GMEB2: variants seen among roughly 807,000 people sequenced by gnomAD.
The protein encoded by GMEB2 is glucocorticoid modulatory element binding protein 2, also known as glucocorticoid modulatory element-binding protein 2.
GMEB2 carries 7 observed loss-of-function variants against 45.7 expected under a neutral mutation model. The ratio of observed to expected loss-of-function variants is 0.15; its 90% CI spans 0.09 to 0.29. The LOEUF (loss-of-function observed/expected upper bound fraction) is 0.29. GMEB2 is among the 10% of genes least tolerant of loss of function. The pLI is 1.00. For synonymous variants in GMEB2, 322 were observed against 323.6 expected (o/e 1.00, Z 0.05); for missense variants, 582 against 739.2 (o/e 0.79, Z 2.47).
chr20:63,624,320 T>C (rs2089656490), intron 1 of GMEB2, among the ~76,000 whole-genome samples: 1 of 150,652 alleles, frequency 6.6e-6, no homozygotes, highest in Non-Finnish European at 1.5e-5. Flanking sequence ...TCCCACCTAC[T>C]TGGGAGGCTG....
At position 63,589,449 on chromosome 20, in the gene GMEB2, C is replaced by G. The variant is rs1270949470; in HGVS notation, c.*640G>C. 2.9e-6 allele frequency: 1 copy of G among 345,110 alleles called. No homozygotes were observed. Among genetic ancestry groups the G allele is most frequent in the Non-Finnish European group, 5.2e-6 (1 of 192,202 alleles). 21.4% of individuals were successfully genotyped at this position (345,110 alleles called of 1,614,324 possible). On this transcript the variant is annotated 3_prime_UTR_variant, in exon 10 of 10. Coordinates refer to ENST00000370077, the MANE Select transcript of GMEB2 (RefSeq NM_012384.5). ...ACGCCTCGTCTGTGCGGCCCCTGGG[C>G]CACCTGAGCACCGGCTGGGGGCGGG...
intron 1 of GMEB2, 52 bp downstream of exon 1, chr20:63,626,904 G>C (rs1354502529): frequency 6.8e-6 from 1 of 147,042 alleles, no homozygotes; most frequent in Non-Finnish European, 1.5e-5. Context: ...GCGCGTGAGC[G>C]GAGCGAGAGG....
In GMEB2 at chr20:63,589,318, T is replaced by G. The variant is rs2083122364; in HGVS notation, c.*771A>C. On this transcript the variant is annotated 3_prime_UTR_variant, in exon 10 of 10. Transcript: ENST00000370077. ...GAGCTAACTCGGGAAGCCTAGGCAC[T>G]CACCATTATTTTGGTTGAAAATGCT... The G allele has an allele frequency of 7.5e-6, 3 of 398,198 alleles. No homozygotes were observed. The highest frequency in any genetic ancestry group is 1.3e-5 in the Non-Finnish European group (3 of 226,070). The allele number at this position is 398,198 out of a possible 1,614,324, so 24.7% of individuals were successfully genotyped here.
At chr20:63,607,077 T>A (rs915194587) in intron 2 of GMEB2, among the ~76,000 whole-genome samples, 6 of 145,746 alleles carry the variant, frequency 4.1e-5, no homozygotes, top group Non-Finnish European at 7.5e-5. Context: ...CCCACCTCCA[T>A]TTCTAGAAAC....
At chr20:63,595,915 C>A in intron 5 of GMEB2, 148 bp from the exon 6 acceptor site, 2 of 665,618 alleles carry the variant, frequency 3.0e-6, no homozygotes, top group Non-Finnish European at 5.2e-6. Context: ...GCTCTACTTC[C>A]CTCTTAGCGC....
chr20:63,592,984 A>C lies in GMEB2; in HGVS notation c.691+27T>G, dbSNP rs767537146. ...CTCCACCACCCCGCCAGGGCTTGTG[A>C]GAAGCCCACAAGGAGGAACCTCGTA... On this transcript the variant is annotated intron_variant, in intron 7 of 9. Coordinates refer to ENST00000370077, the MANE Select transcript of GMEB2 (RefSeq NM_012384.5). This position sits in a 1 kb window ranked among gnomAD's most constrained non-coding sequence, Gnocchi z 8.2. 6.6e-7 allele frequency: 1 copy of C among 1,524,796 alleles called. No individual in the cohort carries two copies. The highest frequency in any genetic ancestry group is 9.0e-7 in the Non-Finnish European group (1 of 1,105,340). The allele number at this position is 1,524,796 out of a possible 1,614,324, so 94.5% of individuals were successfully genotyped here.
At position 63,592,820 on chromosome 20, in the gene GMEB2, C is replaced by T; in HGVS notation, c.692-150G>A. ...GTGCTGGGCTTGCACTGCCCAGACA[C>T]ATCCACAGTGCCAAAATCTAGCAGG... On this transcript the variant is annotated intron_variant, in intron 7 of 9. Coordinates refer to ENST00000370077, the MANE Select transcript of GMEB2 (RefSeq NM_012384.5). This position sits in a 1 kb window ranked among gnomAD's most constrained non-coding sequence, Gnocchi z 8.2. 1.3e-6 allele frequency: 1 copy of T among 789,520 alleles called. No individual in the cohort carries two copies. The allele number at this position is 789,520 out of a possible 1,614,324, so 48.9% of individuals were successfully genotyped here.
In GMEB2 at chr20:63,590,154, C is replaced by CG. The variant is rs2083131555; in HGVS notation, c.1527dup (p.Gly510ArgfsTer3). ...ATGGTGGCCGTGTGCTCCTCAGGCC[C>CG]GGGGGCAGCCCCTGCGGGCACTGTC... On this transcript the variant is annotated frameshift_variant, in exon 10 of 10. Transcript: ENST00000370077. LOFTEE classifies it high-confidence loss of function. 3 of 1,577,204 alleles carry CG rather than the reference C, an allele frequency of 1.9e-6. No individual in the cohort carries two copies. The highest frequency in any genetic ancestry group is 1.7e-6 in the Non-Finnish European group (2 of 1,159,386).
intron 1 of GMEB2, among the ~76,000 whole-genome samples, chr20:63,623,583 G>A (rs565168698): frequency 2.6e-5 from 4 of 151,856 alleles, no homozygotes; most frequent in East Asian, 1.9e-4. Context: ...TGGATCATAA[G>A]GTCAGAAGTT....
At chr20:63,611,510 G>GC (rs767476861) in intron 2 of GMEB2, among the ~76,000 whole-genome samples, 2 of 151,670 alleles carry the variant, frequency 1.3e-5, no homozygotes, top group Non-Finnish European at 2.9e-5. Context: ...TATTCAGGAG[G>GC]CTGAGGCAAG....
intron 2 of GMEB2, among the ~76,000 whole-genome samples, chr20:63,610,644 T>G (rs1169308819): frequency 6.6e-6 from 1 of 152,240 alleles, no homozygotes; most frequent in Non-Finnish European, 1.5e-5. Context: ...AAGACAGCCC[T>G]GCCTCAGCTG....
chr20:63,612,478 G>A (rs1204911454), intron 2 of GMEB2, among the ~76,000 whole-genome samples: 1 of 152,204 alleles, frequency 6.6e-6, no homozygotes, highest in Non-Finnish European at 1.5e-5. Flanking sequence ...GGGGTGAGCT[G>A]GGAAGGCCCA....
chr20:63,623,806 A>C (rs2089653722), intron 1 of GMEB2, among the ~76,000 whole-genome samples: 1 of 151,754 alleles, frequency 6.6e-6, no homozygotes, highest in Admixed American at 6.6e-5. Flanking sequence ...TTAAAAAAAA[A>C]AAGCCACTTT....
chr20:63,600,116 C>T (rs1329487590), intron 4 of GMEB2, among the ~76,000 whole-genome samples: 2 of 151,846 alleles, frequency 1.3e-5, no homozygotes, highest in Non-Finnish European at 2.9e-5. Flanking sequence ...ATCTTGGGCT[C>T]ACTGCAACCT....
In GMEB2 at chr20:63,592,726, C is replaced by G. The variant is rs563582181; in HGVS notation, c.692-56G>C. On this transcript the variant is annotated intron_variant, in intron 7 of 9. Transcript: ENST00000370077. The surrounding 1 kb of genome is among the most constrained non-coding windows in gnomAD (Gnocchi z 8.2). ...GGGAAAGTGCTGCTACACGGGGCAGCCACCACAGCCACAAGGACATCACCA... is the reference window on the plus strand; with the variant it reads ...GGGAAAGTGCTGCTACACGGGGCAGGCACCACAGCCACAAGGACATCACCA... The G allele has an allele frequency of 8.0e-4, 1,135 of 1,427,622 alleles. No individual in the cohort carries two copies. The highest frequency in any genetic ancestry group is 9.5e-4 in the Non-Finnish European group (961 of 1,016,426). 88.4% of individuals were successfully genotyped at this position (1,427,622 alleles called of 1,614,324 possible). A position where few individuals can be genotyped will look rare whatever the true frequency, so the allele number is the denominator to read the frequency against.
rs777564402 is a variant in GMEB2 at position 63,619,392 on chromosome 20, C to T, written c.6G>A (p.Ala2=). ...CCATGTGCACACTCACGTCGGGAGTCGCCATGGCTCAGCGGAAGGGGACGC... is the reference window on the plus strand; with the variant it reads ...CCATGTGCACACTCACGTCGGGAGTTGCCATGGCTCAGCGGAAGGGGACGC... M[A]TPDVSVHMEE... Residue 2 remains alanine, a synonymous_variant, in exon 2 of 10, where the codon GCG becomes GCA. Coordinates refer to ENST00000370077, the MANE Select transcript of GMEB2 (RefSeq NM_012384.5). The surrounding 1 kb of genome is among the most constrained non-coding windows in gnomAD (Gnocchi z 4.6). 1.1e-5 allele frequency: 17 copies of T among 1,610,638 alleles called. No individual in the cohort carries two copies. The highest frequency in any genetic ancestry group is 9.3e-5 in the African/African-American group (7 of 74,912).
chr20:63,602,437 C>T (rs1293471120), intron 4 of GMEB2, among the ~76,000 whole-genome samples: 3 of 152,242 alleles, frequency 2.0e-5, no homozygotes, highest in East Asian at 3.9e-4. Flanking sequence ...CAAGCTCAGG[C>T]CAAGGCTCTC....
intron 3 of GMEB2, 104 bp from the exon 4 acceptor site, chr20:63,603,196 C>A: frequency 1.5e-6 from 2 of 1,336,124 alleles, no homozygotes; most frequent in Non-Finnish European, 2.1e-6. Context: ...AACATGGAAA[C>A]CAAAAATTAA....
chr20:63,624,919 GAC>G (rs2146098846), intron 1 of GMEB2, among the ~76,000 whole-genome samples: 1 of 151,984 alleles, frequency 6.6e-6, no homozygotes, highest in East Asian at 1.9e-4. Flanking sequence ...TGTTGGCCAG[GAC>G]AGTCTCGATC....
Sources: allele counts gnomAD v4.1 joint callset (sites outside exome capture counted in the v4.1 genomes callset), GRCh38; gene constraint gnomAD v4.1.1; non-coding constraint Gnocchi (gnomAD v3.1); transcripts MANE v1.5; gene names NCBI Gene and HGNC (gene_info 2026-07-23, HGNC 2026-07-21).